The following WASHC5 variants were observed in gnomAD, a reference collection of about 807,000 sequenced individuals.
The protein encoded by WASHC5 is WASH complex subunit strumpellin.
Under a neutral mutation model 150.4 loss-of-function variants are expected in WASHC5, and 101 were observed. The observed-to-expected ratio is 0.67, with a 90% CI of 0.57 to 0.79. The LOEUF is 0.79. Among genes scored for constraint, WASHC5 ranks in the 30% least tolerant of loss-of-function variants. WASHC5 has a pLI of 0.00. For synonymous variants in WASHC5, 467 were observed against 491.2 expected (o/e 0.95, Z 0.65); for missense variants, 1,195 against 1,396.3 (o/e 0.86, Z 2.30).
Position 125,065,870 on chromosome 8 carries a change from GC to G in WASHC5, c.1278+1721del, listed in dbSNP as rs575591520. Among the ~76,000 whole-genome samples the G allele has an allele frequency of 1.1e-3, 164 of 152,280 alleles. 1 individual carries two copies. The highest frequency in any genetic ancestry group is 3.8e-3 in the African/African-American group (157 of 41,552). On this transcript the variant is annotated intron_variant, in intron 10 of 28. Transcript: ENST00000318410. ...GACCTCAGGTGATCCACCCGCCTTAGCCTCCCAAAGTGCTGGGATTACAGGT... is the reference window on the plus strand; with the variant it reads ...GACCTCAGGTGATCCACCCGCCTTAGCTCCCAAAGTGCTGGGATTACAGGT...
intron 20 of WASHC5, among the ~76,000 whole-genome samples, chr8:125,045,169 G>T (rs184253330): frequency 3.9e-5 from 6 of 152,276 alleles, no homozygotes; most frequent in African/African-American, 1.4e-4. Flanking sequence ...AAAGCAATTT[G>T]CTTTTTCCTC....
rs1279870660 is a variant in WASHC5 at position 125,036,245 on chromosome 8, CA to C, written c.3181+991del. 4.6e-5 allele frequency among the ~76,000 whole-genome samples: 7 copies of C among 152,162 alleles called. No individual in the cohort carries two copies. In the South Asian group the frequency reaches 1.2e-3, roughly 27 times the overall value. On this transcript the variant is annotated intron_variant, in intron 26 of 28. Transcript: ENST00000318410. ...CCTGTTGAAAGAACAGAACATCAAC[CA>C]AAAAAAGTTTCTTTCACACCACAAT...
At chr8:125,064,239 G>A (rs568406505) in intron 10 of WASHC5, among the ~76,000 whole-genome samples, 50 of 152,176 alleles carry the variant, frequency 3.3e-4, no homozygotes, top group Non-Finnish European at 6.3e-4. Flanking sequence ...GTCTCACTCT[G>A]TTGCCCAGGC....
chr8:125,062,710 T>C (rs74403998), intron 11 of WASHC5, among the ~76,000 whole-genome samples: 4,000 of 152,272 alleles, frequency 0.026, 182 homozygotes, highest in African/African-American at 0.092. Flanking sequence ...CACAAGCTCA[T>C]ACTGATTAAA....
chr8:125,061,766 G>A (rs970634386), intron 11 of WASHC5, among the ~76,000 whole-genome samples: 11 of 152,324 alleles, frequency 7.2e-5, no homozygotes, highest in African/African-American at 2.4e-4. Flanking sequence ...TAGAGAAAGA[G>A]AAGGGTGTCC....
intron 15 of WASHC5, 28 bp from the exon 16 acceptor site, chr8:125,056,845 C>G (rs754108037): frequency 6.2e-7 from 1 of 1,613,840 alleles, no homozygotes; most frequent in Non-Finnish European, 8.5e-7. Flanking sequence ...GCAGGAAACG[C>G]AATGAACATC....
chr8:125,063,433 T>G, intron 11 of WASHC5, 89 bp downstream of exon 11: 1 of 1,328,210 alleles, frequency 7.5e-7, no homozygotes, highest in Non-Finnish European at 1.1e-6. Flanking sequence ...AATGAGAACA[T>G]AAAGTCTTTT....
intron 11 of WASHC5, among the ~76,000 whole-genome samples, chr8:125,061,889 C>G (rs139584208): frequency 6.6e-6 from 1 of 152,288 alleles, no homozygotes; most frequent in East Asian, 1.9e-4. Flanking sequence ...GGCTGATGCT[C>G]AGAGAGACTG....
intron 1 of WASHC5, among the ~76,000 whole-genome samples, chr8:125,087,395 CGGTGAGGGAACAACAAGTA>C (rs1403512166): frequency 1.3e-5 from 2 of 152,036 alleles, no homozygotes; most frequent in African/African-American, 4.8e-5. Flanking sequence ...CACTAGAAGT[CGGTGAGGGAACAACAAGTA>C]GGTGAGGGAA....
At position 125,028,694 on chromosome 8, in the gene WASHC5, C is replaced by T; in HGVS notation, c.3349G>A (p.Glu1117Lys). The change falls in exon 28 of 29, where the codon GAA (glutamate) becomes AAA (lysine). Residue 1117 changes from glutamate (E) to lysine (K), a missense_variant. Glu to Lys is a moderately conservative substitution (Grantham distance 56). This residue lies in a region of WASHC5 where 997 missense variants were observed against 1,168.1 expected (regional missense o/e 0.85). Transcript: ENST00000318410. ...GCACCCACAACATCTGCAGGAATTT[C>T]AGGTATCTTCTGGCTGTGATAGAGA... ...VEQCTSQKIP[E>K]IPADVVGALL... 6.2e-7 allele frequency: 1 copy of T among 1,613,536 alleles called. No individual in the cohort carries two copies. Among genetic ancestry groups the T allele is most frequent in the Non-Finnish European group, 8.5e-7 (1 of 1,179,486 alleles).
At chr8:125,050,728 A>G in intron 17 of WASHC5, 63 bp from the exon 18 acceptor site, 1 of 1,265,244 alleles carries the variant, frequency 7.9e-7, no homozygotes, top group Admixed American at 1.7e-5. Context: ...CGAAATCCAG[A>G]GGAAAGATGG....
At chr8:125,025,332 T>C (rs1348643873) in intron 28 of WASHC5, among the ~76,000 whole-genome samples, 10 of 152,148 alleles carry the variant, frequency 6.6e-5, no homozygotes, top group Non-Finnish European at 1.3e-4. Flanking sequence ...ATAAAAATTA[T>C]TTTTACAGTG....
Position 125,056,797 on chromosome 8 carries a change from T to G in WASHC5, c.1896A>C (p.Glu632Asp). 1.9e-6 allele frequency: 3 copies of G among 1,614,172 alleles called. No individual in the cohort carries two copies. Among genetic ancestry groups the G allele is most frequent in the Non-Finnish European group, 2.5e-6 (3 of 1,180,018 alleles). ...TCTTTAGAAGAGATGTAAACATGCT[T>G]TCTGGGATGATCTGCAAAACCTTCA... ...YVRKVLQIIP[E>D]SMFTSLLKII... The change falls in exon 16 of 29, where the codon GAA becomes GAC. Residue 632 changes from glutamate (E) to aspartate (D), a missense_variant. Physicochemically the swap from Glu to Asp is conservative, Grantham distance 45. Transcript: ENST00000318410.
chr8:125,047,740 TTG>T (rs1160606180), intron 19 of WASHC5, among the ~76,000 whole-genome samples: 2 of 152,196 alleles, frequency 1.3e-5, no homozygotes, highest in African/African-American at 4.8e-5. Context: ...TGGCTAATTT[TTG>T]TGTTTTTAGT....
At chr8:125,086,166 C>G (rs1175760395) in intron 1 of WASHC5, among the ~76,000 whole-genome samples, 1 of 152,166 alleles carries the variant, frequency 6.6e-6, no homozygotes, top group African/African-American at 2.4e-5. Context: ...GTGACTTAAA[C>G]AACCACATTT....
At chr8:125,030,899 C>T (rs1397659556) in intron 27 of WASHC5, among the ~76,000 whole-genome samples, 3 of 152,286 alleles carry the variant, frequency 2.0e-5, no homozygotes, top group South Asian at 2.1e-4. Context: ...CTTATCTAAA[C>T]ATTGAGAAGA....
intron 10 of WASHC5, among the ~76,000 whole-genome samples, chr8:125,065,280 G>A (rs926919487): frequency 2.6e-5 from 4 of 152,154 alleles, no homozygotes; most frequent in Admixed American, 6.5e-5. Context: ...CAGCTGAAAT[G>A]TCAGAAATTC....
chr8:125,070,829 G>C (rs1203108423), intron 9 of WASHC5, among the ~76,000 whole-genome samples: 1 of 152,234 alleles, frequency 6.6e-6, no homozygotes, highest in Non-Finnish European at 1.5e-5. Flanking sequence ...AAAGGTTTAA[G>C]AAGCTGGAGA....
chr8:125,064,441 C>T (rs1411246652), intron 10 of WASHC5, among the ~76,000 whole-genome samples: 1 of 150,596 alleles, frequency 6.6e-6, no homozygotes, highest in Non-Finnish European at 1.5e-5. Context: ...GCTGGTGTCT[C>T]AAACTCTTGG....
Sources: allele counts gnomAD v4.1 joint callset (sites outside exome capture counted in the v4.1 genomes callset), GRCh38; gene constraint gnomAD v4.1.1; regional missense constraint gnomAD v4.1.1; transcripts MANE v1.5; gene names NCBI Gene and HGNC (gene_info 2026-07-23, HGNC 2026-07-21).